The following DYSF variants were observed in gnomAD, a reference collection of about 807,000 sequenced individuals.
DYSF encodes the protein dysferlin.
In DYSF, 212 loss-of-function variants were observed where a neutral mutation model predicts 274.9. The ratio of observed to expected loss-of-function variants is 0.77; its 90% CI spans 0.69 to 0.86. The LOEUF is 0.86. Among genes scored for constraint, DYSF ranks in the 40% least tolerant of loss-of-function variants. DYSF has a pLI of 0.00. For missense variants in DYSF, 2,666 were observed against 2,783.2 expected (o/e 0.96, Z 0.95); for synonymous variants, 1,091 against 1,078.7 (o/e 1.01, Z -0.22).
At position 71,614,456 on chromosome 2, in the gene DYSF, C is replaced by G. The variant is rs559329473; in HGVS notation, c.4464+1046C>G. On this transcript the variant is annotated intron_variant, in intron 40 of 55. Transcript: ENST00000410020. Reference sequence around the variant, plus strand: ...GCTCTCCAGGGTTCTGCCCTGCCAGCCTTTCTGCTGGGAAGACCTCCTGCC... The same window carrying G: ...GCTCTCCAGGGTTCTGCCCTGCCAGGCTTTCTGCTGGGAAGACCTCCTGCC... 2.4e-4 allele frequency among the ~76,000 whole-genome samples: 37 copies of G among 152,324 alleles called. No individual in the cohort carries two copies. The South Asian group carries it at 4.4e-3, about 18-fold the overall frequency.
Position 71,683,007 on chromosome 2 carries a change from GA to G in DYSF, c.6321+331del, listed in dbSNP as rs2095314871. ...CCCTTTGGGTTGCGGTGGGCAGGGG[GA>G]CTTTCTGGAAGGGAGGTGTGGAACT... On this transcript the variant is annotated intron_variant, in intron 55 of 55. Transcript: ENST00000410020. 3.3e-5 allele frequency among the ~76,000 whole-genome samples: 5 copies of G among 152,310 alleles called. No individual in the cohort carries two copies. In the South Asian group the frequency reaches 1.0e-3, roughly 32 times the overall value.
At chr2:71,541,282 A>C (rs1000234413) in intron 17 of DYSF, among the ~76,000 whole-genome samples, 14 of 152,186 alleles carry the variant, frequency 9.2e-5, no homozygotes, top group Non-Finnish European at 7.4e-5. Flanking sequence ...TGGGTATAGT[A>C]ATAGCTCTTT....
intron 3 of DYSF, among the ~76,000 whole-genome samples, chr2:71,493,871 A>AAAAG (rs1192030517): frequency 1.5e-5 from 2 of 133,474 alleles, no homozygotes; most frequent in Non-Finnish European, 1.7e-5. Flanking sequence ...AAAAAAAAAA[A>AAAAG]AAAGAAAGAA....
At chr2:71,534,714 A>G (rs769735035) in intron 14 of DYSF, among the ~76,000 whole-genome samples, 1 of 152,156 alleles carries the variant, frequency 6.6e-6, no homozygotes, top group Non-Finnish European at 1.5e-5. Flanking sequence ...CATGGCCATA[A>G]TGGGAGGTAT....
chr2:71,475,995 C>T (rs1445301989), intron 1 of DYSF, among the ~76,000 whole-genome samples: 2 of 152,138 alleles, frequency 1.3e-5, no homozygotes, highest in East Asian at 3.9e-4. Context: ...TAGTCTTGAA[C>T]TCCTGTCCTC....
At chr2:71,589,485 G>T in intron 30 of DYSF, 108 bp from the exon 31 acceptor site, 1 of 875,010 alleles carries the variant, frequency 1.1e-6, no homozygotes, top group Middle Eastern at 3.2e-4. Context: ...TTCAGCTTTC[G>T]GCAGCGGAGA....
At chr2:71,577,679 CTCTT>C (rs755228463) in intron 30 of DYSF, among the ~76,000 whole-genome samples, 143 of 151,758 alleles carry the variant, frequency 9.4e-4, no homozygotes, top group African/African-American at 3.1e-3. Flanking sequence ...CCCACACACA[CTCTT>C]TCACACTCAC....
intron 44 of DYSF, among the ~76,000 whole-genome samples, chr2:71,659,785 G>A (rs1438153464): frequency 6.6e-6 from 1 of 152,190 alleles, no homozygotes; most frequent in African/African-American, 2.4e-5. Context: ...AGAGGTGGGA[G>A]GCAGAGTAAT....
chr2:71,469,085 C>T lies in DYSF; in HGVS notation c.91+2152C>T, dbSNP rs78164947. On this transcript the variant is annotated intron_variant, in intron 1 of 55. Coordinates refer to ENST00000410020, the MANE Select transcript of DYSF (RefSeq NM_001130987.2). Reference sequence around the variant, plus strand: ...CGATGCAGCAGGTCTGGAAGGTGACCTAAGAATCAGCACTTAACAAATACC... The same window carrying T: ...CGATGCAGCAGGTCTGGAAGGTGACTTAAGAATCAGCACTTAACAAATACC... 5.9e-5 allele frequency among the ~76,000 whole-genome samples: 9 copies of T among 152,250 alleles called. No individual in the cohort carries two copies. The East Asian group carries it at 1.7e-3, about 29-fold the overall frequency.
intron 12 of DYSF, among the ~76,000 whole-genome samples, chr2:71,522,082 C>T (rs368971653): frequency 8.6e-4 from 131 of 151,964 alleles, no homozygotes; most frequent in African/African-American, 3.0e-3. Flanking sequence ...TCTTTAGCCT[C>T]CTCTTTCTGG....
intron 41 of DYSF, among the ~76,000 whole-genome samples, chr2:71,641,058 G>A (rs1222504519): frequency 2.0e-5 from 3 of 151,604 alleles, no homozygotes; most frequent in African/African-American, 7.3e-5. Context: ...TCTGTCATTG[G>A]TTTCAGCCTC....
chr2:71,517,188 C>A, intron 10 of DYSF, 149 bp downstream of exon 10: 1 of 799,360 alleles, frequency 1.3e-6, no homozygotes, highest in Non-Finnish European at 2.1e-6. Context: ...GCCCTCTGCA[C>A]AGCATCTCCT....
rs201049092 is a variant in DYSF, at chr2:71,553,110, G to A, written c.1906G>A (p.Gly636Arg). The A allele has an allele frequency of 5.6e-6, 9 of 1,614,140 alleles. No homozygotes were observed. Among genetic ancestry groups the A allele is most frequent in the Non-Finnish European group, 5.9e-6 (7 of 1,180,034 alleles). ...TGCCATCCAGTTTGAGGTCAGCATC[G>A]GGAACTACGGGAACAAGTTCGACAT... ...DDAIQFEVSI[G>R]NYGNKFDMTC... is the part of the protein sequence containing the mutation. Residue 636 changes from glycine (G) to arginine (R), a missense_variant, in exon 20 of 56, where the codon GGG (glycine) becomes AGG (arginine). Around this residue, in one of 3 missense-constraint regions of DYSF, gnomAD observed 412 missense variants for 504.0 expected, o/e 0.82. Coordinates refer to ENST00000410020, the MANE Select transcript of DYSF (RefSeq NM_001130987.2).
intron 17 of DYSF, 107 bp from the exon 18 acceptor site, chr2:71,550,934 G>T (rs534825349): frequency 2.3e-4 from 204 of 877,596 alleles, no homozygotes; most frequent in Non-Finnish European, 2.4e-4. Flanking sequence ...TGGTGCATGT[G>T]GGGGGGAACT....
chr2:71,649,685 A>T (rs1408096386), intron 42 of DYSF, among the ~76,000 whole-genome samples: 1 of 151,830 alleles, frequency 6.6e-6, no homozygotes, highest in Non-Finnish European at 1.5e-5. Context: ...GCAAAGATTA[A>T]AAAAAAAGAA....
chr2:71,682,737 A>G lies in DYSF; in HGVS notation c.6321+60A>G, dbSNP rs182354713. On this transcript the variant is annotated intron_variant, in intron 55 of 55. Transcript: ENST00000410020. The stretch of plus-strand genomic sequence containing the variant: ...TCTGGGTCTAATGGGGGAGTTCATC[A>G]TTGTCCTCAAAGAGCTCTCCCAGTC... 2.6e-4 allele frequency: 406 copies of G among 1,569,984 alleles called. No homozygotes were observed. The African/African-American group carries it at 5.0e-3, about 19-fold the overall frequency.
At chr2:71,651,776 C>T (rs929548085) in intron 42 of DYSF, among the ~76,000 whole-genome samples, 1 of 151,962 alleles carries the variant, frequency 6.6e-6, no homozygotes, top group Non-Finnish European at 1.5e-5. Context: ...GCAAATGAAA[C>T]CTAACTAATA....
chr2:71,545,484 C>T (rs2090393461), intron 17 of DYSF, among the ~76,000 whole-genome samples: 1 of 152,140 alleles, frequency 6.6e-6, no homozygotes, highest in Non-Finnish European at 1.5e-5. Context: ...GGATGTGGCC[C>T]CTTCACTAAT....
In DYSF at chr2:71,632,279, C is replaced by A. The variant is rs141338810; in HGVS notation, c.4527+11670C>A. 6.1e-3 allele frequency among the ~76,000 whole-genome samples: 930 copies of A among 152,330 alleles called. 10 individuals are homozygous for A. Among genetic ancestry groups the A allele is most frequent in the African/African-American group, 0.022 (902 of 41,570 alleles). Reference sequence around the variant, plus strand: ...TTATTAACCCACCTTTTGTCTTTAACTCTTCTCTACATTAACCAAGGCACA... The same window carrying A: ...TTATTAACCCACCTTTTGTCTTTAAATCTTCTCTACATTAACCAAGGCACA... On this transcript the variant is annotated intron_variant, in intron 41 of 55. Coordinates refer to ENST00000410020, the MANE Select transcript of DYSF (RefSeq NM_001130987.2).
Sources: allele counts gnomAD v4.1 joint callset (sites outside exome capture counted in the v4.1 genomes callset), GRCh38; gene constraint gnomAD v4.1.1; regional missense constraint gnomAD v4.1.1; transcripts MANE v1.5; gene names NCBI Gene and HGNC (gene_info 2026-07-23, HGNC 2026-07-21).